DLC1: variants seen among roughly 807,000 people sequenced by gnomAD.
The protein encoded by DLC1 is DLC1 Rho GTPase activating protein, also known as rho GTPase-activating protein 7.
Under a neutral mutation model 140.3 loss-of-function variants are expected in DLC1, and 54 were observed. That is an observed-to-expected ratio of 0.38 (90% CI 0.31 to 0.48). The LOEUF (loss-of-function observed/expected upper bound fraction) is 0.48. Ranked by LOEUF, DLC1 falls within the 20% of genes least tolerant of loss-of-function variation. The probability of loss-of-function intolerance (pLI) is 0.96; values close to 1 mark genes in which losing one functional copy is unlikely to be tolerated. For synonymous variants in DLC1, 986 were observed against 728.1 expected (o/e 1.35, Z -5.70); for missense variants, 2,536 against 1,907.0 (o/e 1.33, Z -6.14).
At chr8:13,126,376 C>A (rs1325571009) in intron 5 of DLC1, among the ~76,000 whole-genome samples, 1 of 151,736 alleles carries the variant, frequency 6.6e-6, no homozygotes, top group African/African-American at 2.4e-5. Context: ...CATACACACA[C>A]ACACACACAC....
At chr8:13,296,002 G>A (rs1427508329) in intron 5 of DLC1, among the ~76,000 whole-genome samples, 20 of 124,434 alleles carry the variant, frequency 1.6e-4, no homozygotes, top group Non-Finnish European at 6.3e-5. Flanking sequence ...GCCCAGGCTG[G>A]AGTGCAGTAG....
At position 13,580,241 on chromosome 8, in the gene DLC1, G is replaced by C. The variant is rs918843381; in HGVS notation, c.-126+24296C>G. ...TGGTTCACGCCATTCTCCTGCCTCA[G>C]CCTCCCGAGTAGCTGGGCCTACAGG... is the stretch of plus-strand genomic sequence containing the variant. On this transcript the variant is annotated intron_variant, in intron 1 of 1. Coordinates refer to the DLC1 transcript ENST00000631382. Among the ~76,000 whole-genome samples the C allele has an allele frequency of 2.6e-5, 4 of 151,968 alleles. No homozygotes were observed. The East Asian group carries it at 7.7e-4, about 29-fold the overall frequency.
At chr8:13,234,707 C>G (rs1198451670) in intron 5 of DLC1, among the ~76,000 whole-genome samples, 1 of 151,770 alleles carries the variant, frequency 6.6e-6, no homozygotes, top group African/African-American at 2.4e-5. Context: ...TTACATTTGT[C>G]AAATGAACAC....
At chr8:13,558,466 C>G (rs1038457193) in intron 1 of DLC1, 13 of 152,094 alleles carry the variant, frequency 8.5e-5, no homozygotes, top group Non-Finnish European at 1.3e-4. Context: ...ATAATTTTTT[C>G]ATTTAAAAAT....
At chr8:13,356,060 A>C (rs1834929158) in intron 4 of DLC1, among the ~76,000 whole-genome samples, 1 of 119,216 alleles carries the variant, frequency 8.4e-6, no homozygotes, top group African/African-American at 3.2e-5. Flanking sequence ...ACTGCACTGC[A>C]GCCTGAGTGA....
At chr8:13,430,397 C>T (rs60621244) in intron 2 of DLC1, among the ~76,000 whole-genome samples, 60,765 of 152,020 alleles carry the variant, frequency 0.4, 12,290 homozygotes, top group African/African-American at 0.44. Context: ...ATTTCCAATG[C>T]TGCTTAATTA....
At chr8:13,425,112 C>G (rs992470279) in intron 2 of DLC1, among the ~76,000 whole-genome samples, 1 of 145,860 alleles carries the variant, frequency 6.9e-6, no homozygotes, top group Admixed American at 6.9e-5. Context: ...TCCTAGAACA[C>G]AATGTGCAGT....
intron 5 of DLC1, among the ~76,000 whole-genome samples, chr8:13,292,537 G>C (rs1347364354): frequency 2.0e-5 from 3 of 152,180 alleles, no homozygotes; most frequent in African/African-American, 7.2e-5. Context: ...TCCCCCTTTG[G>C]GTAACCTGGC....
intron 5 of DLC1, among the ~76,000 whole-genome samples, chr8:13,155,181 C>T (rs1001634021): frequency 1.3e-5 from 2 of 149,588 alleles, no homozygotes; most frequent in African/African-American, 4.9e-5. Context: ...TATAAATGTA[C>T]TCAATTTCTT....
chr8:13,348,531 G>T (rs1463468396), intron 4 of DLC1, among the ~76,000 whole-genome samples: 1 of 152,168 alleles, frequency 6.6e-6, no homozygotes, highest in Non-Finnish European at 1.5e-5. Flanking sequence ...GAAGGTTGTT[G>T]CTAGAGTCCA....
At chr8:13,439,146 GA>G (rs1839249350) in intron 2 of DLC1, among the ~76,000 whole-genome samples, 1 of 152,102 alleles carries the variant, frequency 6.6e-6, no homozygotes, top group Non-Finnish European at 1.5e-5. Flanking sequence ...CAAACATGGT[GA>G]ATTCCGTCTC....
chr8:13,127,762 G>C (rs1484783300), intron 5 of DLC1, among the ~76,000 whole-genome samples: 2 of 152,206 alleles, frequency 1.3e-5, no homozygotes, highest in Non-Finnish European at 2.9e-5. Flanking sequence ...ATCCTTTAGA[G>C]ACTCCTGCGA....
intron 4 of DLC1, among the ~76,000 whole-genome samples, chr8:13,335,253 A>T (rs939449167): frequency 6.6e-6 from 1 of 152,216 alleles, no homozygotes; most frequent in Admixed American, 6.5e-5. Flanking sequence ...AGTGTGAGAA[A>T]TAGCAGCTAG....
intron 5 of DLC1, among the ~76,000 whole-genome samples, chr8:13,302,859 A>G (rs114585519): frequency 0.014 from 2,086 of 152,248 alleles, 53 homozygotes; most frequent in African/African-American, 0.047. Context: ...ATTCATAAAG[A>G]CATGAAAGAA....
In DLC1 at chr8:13,579,341, ATATATATATATATATATATATTTTTATAT is replaced by A. The variant is rs1563453913; in HGVS notation, c.-126+25167_-126+25195del. 1.6e-3 allele frequency among the ~76,000 whole-genome samples: 43 copies of A among 27,134 alleles called. 5 individuals are homozygous for A. The highest frequency in any genetic ancestry group is 6.4e-3 in the African/African-American group (43 of 6,672). The allele number at this position is 27,134 out of a possible 152,430, so 17.8% of individuals were successfully genotyped here. A position where few individuals can be genotyped will look rare whatever the true frequency, so the allele number is the denominator to read the frequency against. Reference sequence around the variant, plus strand: ...TATATATATATATATATATATATATATATATATATATATATATATATTTTTATATAATACATATTTATATATTATATATT... The same window carrying A: ...TATATATATATATATATATATATATAAATACATATTTATATATTATATATT... On this transcript the variant is annotated intron_variant, in intron 1 of 1. Coordinates refer to the DLC1 transcript ENST00000631382.
At chr8:13,529,061 C>T (rs1046877946) in intron 1 of DLC1, among the ~76,000 whole-genome samples, 28 of 152,080 alleles carry the variant, frequency 1.8e-4, no homozygotes, top group East Asian at 3.9e-4. Flanking sequence ...TATTACTCAA[C>T]GAGAAGAAGA....
chr8:13,599,867 G>T (rs967012959), intron 1 of DLC1, among the ~76,000 whole-genome samples: 5 of 151,874 alleles, frequency 3.3e-5, no homozygotes, highest in African/African-American at 1.2e-4. Context: ...TAACTAAAAT[G>T]TATAGTTGAG....
intron 2 of DLC1, among the ~76,000 whole-genome samples, chr8:13,452,012 AT>A (rs1322848804): frequency 1.3e-5 from 2 of 151,918 alleles, no homozygotes; most frequent in South Asian, 4.2e-4. Context: ...TCTATTGGCT[AT>A]TTTTTTAAAT....
chr8:13,221,225 T>C (rs748619579), intron 5 of DLC1, among the ~76,000 whole-genome samples: 4 of 152,132 alleles, frequency 2.6e-5, no homozygotes, highest in Non-Finnish European at 5.9e-5. Flanking sequence ...TAGACACCAC[T>C]GACCCGGATG....
Sources: allele counts gnomAD v4.1 joint callset (sites outside exome capture counted in the v4.1 genomes callset), GRCh38; gene constraint gnomAD v4.1.1; transcripts MANE v1.5; gene names NCBI Gene and HGNC (gene_info 2026-07-23, HGNC 2026-07-21).